The following NHS variants were observed in gnomAD, a reference collection of about 807,000 sequenced individuals.
The protein encoded by NHS is actin remodeling regulator NHS.
Under a neutral mutation model 72.5 loss-of-function variants are expected in NHS, and 5 were observed. The ratio of observed to expected loss-of-function variants is 0.07; its 90% CI spans 0.04 to 0.14. The LOEUF is 0.14. Ranked by LOEUF, NHS falls within the 10% of genes least tolerant of loss-of-function variation. The pLI is 1.00. For synonymous variants in NHS, 464 were observed against 547.7 expected (o/e 0.85, Z 2.13); for missense variants, 1,072 against 1,355.7 (o/e 0.79, Z 3.29).
At chrX:17,438,987 C>T (rs758839823) in intron 1 of NHS, among the ~76,000 whole-genome samples, 5 of 109,218 alleles carry the variant, frequency 4.6e-5, no homozygotes, top group Admixed American at 2.9e-4. Flanking sequence ...TCACTGACAC[C>T]TCTCTAGGGA....
At chrX:17,538,722 G>C (rs1569276113) in intron 1 of NHS, among the ~76,000 whole-genome samples, 1 of 112,065 alleles carries the variant, frequency 8.9e-6, no homozygotes, top group South Asian at 3.8e-4. Context: ...AATTTCCTTA[G>C]CTTGTGGGGA....
At chrX:17,541,919 T>C (rs1254481962) in intron 1 of NHS, among the ~76,000 whole-genome samples, 1 of 111,235 alleles carries the variant, frequency 9.0e-6, no homozygotes, top group African/African-American at 3.3e-5. Context: ...GCGACCTCAG[T>C]GGAACTTTGC....
chrX:17,635,168 A>G (rs2065839378), intron 1 of NHS: 1 of 387,099 alleles, frequency 2.6e-6, no homozygotes, highest in African/African-American at 2.8e-5. Context: ...CCCCCTGGCC[A>G]ACTGCAATTG....
chrX:17,630,481 G>A (rs7876353), intron 1 of NHS, among the ~76,000 whole-genome samples: 27,853 of 108,505 alleles, frequency 0.26, 6,925 homozygotes, highest in African/African-American at 0.76. Flanking sequence ...CAGCTGCTGT[G>A]AGTGTTGGCT....
chrX:17,562,624 A>C (rs968932769), intron 1 of NHS, among the ~76,000 whole-genome samples: 12 of 111,772 alleles, frequency 1.1e-4, no homozygotes, highest in Admixed American at 8.5e-4. Context: ...AGACTTTCTC[A>C]TAGTTATGGT....
intron 1 of NHS, among the ~76,000 whole-genome samples, chrX:17,380,784 G>C (rs2064373805): frequency 8.9e-6 from 1 of 111,841 alleles, no homozygotes; most frequent in African/African-American, 3.3e-5. Flanking sequence ...TCCAAGAGAA[G>C]GGTGAATTGA....
At chrX:17,458,493 T>G (rs779122968) in intron 1 of NHS, among the ~76,000 whole-genome samples, 6 of 110,729 alleles carry the variant, frequency 5.4e-5, no homozygotes, top group Non-Finnish European at 9.4e-5. Flanking sequence ...CCTCCCAAAG[T>G]GCTGGGATTA....
intron 1 of NHS, among the ~76,000 whole-genome samples, chrX:17,577,718 A>G (rs992032988): frequency 1.8e-5 from 2 of 111,981 alleles, no homozygotes; most frequent in Non-Finnish European, 3.8e-5. Flanking sequence ...ATTGGCTGAC[A>G]TGCTGAAAGT....
At chrX:17,507,383 C>T (rs758723319) in intron 1 of NHS, among the ~76,000 whole-genome samples, 17 of 111,381 alleles carry the variant, frequency 1.5e-4, no homozygotes, top group East Asian at 2.8e-4. Context: ...ACACCTTTCC[C>T]GCCCTTCACT....
intron 1 of NHS, among the ~76,000 whole-genome samples, chrX:17,404,803 G>C (rs201177433): frequency 6.8e-4 from 66 of 96,559 alleles, no homozygotes; most frequent in African/African-American, 2.1e-3. Context: ...GTAACACTCT[G>C]TCTCTCTCTC....
intron 1 of NHS, among the ~76,000 whole-genome samples, chrX:17,544,983 A>G (rs916610648): frequency 8.9e-6 from 1 of 112,716 alleles, no homozygotes; most frequent in African/African-American, 3.2e-5. Context: ...AGATTTACCT[A>G]TGTGAGGCCC....
At chrX:17,585,735 A>G (rs927239232) in intron 1 of NHS, among the ~76,000 whole-genome samples, 3 of 103,974 alleles carry the variant, frequency 2.9e-5, no homozygotes, top group African/African-American at 1.1e-4. Context: ...ACCAAAAATA[A>G]TAGTAATAAT....
intron 1 of NHS, among the ~76,000 whole-genome samples, chrX:17,394,590 G>A (rs1017672163): frequency 8.9e-6 from 1 of 111,751 alleles, no homozygotes; most frequent in African/African-American, 3.3e-5. Context: ...AGAATAAGAG[G>A]CCTTTAAAAA....
chrX:17,563,673 G>A (rs1363774195), intron 1 of NHS, among the ~76,000 whole-genome samples: 2 of 111,653 alleles, frequency 1.8e-5, no homozygotes, highest in East Asian at 5.7e-4. Flanking sequence ...TCATAGGGTC[G>A]ATCAGTCACG....
chrX:17,520,589 A>C (rs1327156867), intron 1 of NHS, among the ~76,000 whole-genome samples: 2 of 112,132 alleles, frequency 1.8e-5, no homozygotes, highest in African/African-American at 6.5e-5. Context: ...GAGGGATTGT[A>C]AGGGAAGAGA....
At chrX:17,446,526 A>G (rs1368979987) in intron 1 of NHS, among the ~76,000 whole-genome samples, 1 of 109,293 alleles carries the variant, frequency 9.1e-6, no homozygotes, top group African/African-American at 3.3e-5. Context: ...GCCAGTGAAC[A>G]ACCCCCTTTG....
intron 1 of NHS, among the ~76,000 whole-genome samples, chrX:17,514,585 G>A (rs1035693866): frequency 8.9e-6 from 1 of 111,935 alleles, no homozygotes; most frequent in Non-Finnish European, 1.9e-5. Flanking sequence ...CCTGCAGAAG[G>A]CCTATTGTAG....
intron 1 of NHS, among the ~76,000 whole-genome samples, chrX:17,544,342 A>G (rs1228115001): frequency 8.9e-6 from 1 of 111,882 alleles, no homozygotes; most frequent in East Asian, 2.8e-4. Flanking sequence ...CCCACCATGT[A>G]AAAAATATAA....
chrX:17,607,532 C>T (rs975938934), intron 1 of NHS, among the ~76,000 whole-genome samples: 1 of 111,436 alleles, frequency 9.0e-6, no homozygotes, highest in African/African-American at 3.3e-5. Context: ...TCTGTTTCTC[C>T]CCCTAGTAAG....
Sources: gnomAD v4.1 joint callset for allele counts (sites outside exome capture counted in the v4.1 genomes callset) on GRCh38, gnomAD v4.1.1 for gene constraint, MANE v1.5 for transcripts, NCBI Gene and HGNC (gene_info 2026-07-23, HGNC 2026-07-21) for gene names.